The following OTOP2 variants were observed in gnomAD, a reference collection of about 807,000 sequenced individuals.
OTOP2 encodes the protein otopetrin 2.
In OTOP2, 41 loss-of-function variants were observed where a neutral mutation model predicts 47.4. The ratio of observed to expected loss-of-function variants is 0.87; its 90% CI spans 0.67 to 1.12. The LOEUF is 1.12. OTOP2 is among the 50% of genes most tolerant of loss of function. The pLI is 0.00. For synonymous variants in OTOP2, 328 were observed against 319.6 expected, an observed-to-expected ratio of 1.03 and a Z score of -0.28; for missense variants, 721 against 752.2, an observed-to-expected ratio of 0.96 and a Z score of 0.49.
At position 74,927,667 on chromosome 17, in the gene OTOP2, G is replaced by A. The variant is rs2039020925; in HGVS notation, c.512G>A (p.Cys171Tyr). 2 of 1,613,232 alleles carry A rather than the reference G, an allele frequency of 1.2e-6. No homozygotes were observed. The highest frequency in any genetic ancestry group is 1.7e-6 in the Non-Finnish European group (2 of 1,179,602). The change falls in exon 5 of 7, where the codon TGT becomes TAT. Residue 171 changes from cysteine (C) to tyrosine (Y), a missense_variant and splice_region_variant. Physicochemically the swap from Cys to Tyr is radical, Grantham distance 194 (BLOSUM62 -2). Coordinates refer to ENST00000331427, the MANE Select transcript of OTOP2 (RefSeq NM_178160.3). ...TCCCCACCCCTGACCCCAAACAGGT[G>A]TGGTCTCATGTTCACACTCACCACC... Reference protein sequence around the residue: ...CVHVHLDLTWCGLMFTLTTNL... With the variant: ...CVHVHLDLTWYGLMFTLTTNL...
intron 5 of OTOP2, among the ~76,000 whole-genome samples, chr17:74,929,542 C>T (rs2039037089): frequency 6.6e-6 from 1 of 152,202 alleles, no homozygotes; most frequent in Admixed American, 6.5e-5. Flanking sequence ...TCTCCTGCCT[C>T]AACCTCCCGT....
At position 74,927,777 on chromosome 17, in the gene OTOP2, C is replaced by G. The variant is rs781006955; in HGVS notation, c.622C>G (p.His208Asp). Reference protein sequence around the residue: ...SYSSSHSNASHARLISDQHAD... With the variant: ...SYSSSHSNASDARLISDQHAD... ...CAGCAGTTCTCACAGCAACGCCAGC[C>G]ACGCCCGTCTCATCTCTGACCGTGA... The change falls in exon 5 of 7, where the codon CAC (histidine) becomes GAC (aspartate). Residue 208 changes from histidine to aspartate, a missense_variant. Physicochemically the swap from His to Asp is moderately conservative, Grantham distance 81. Transcript: ENST00000331427. The G allele has an allele frequency of 2.5e-6, 4 of 1,614,008 alleles. No homozygotes were observed. Among genetic ancestry groups the G allele is most frequent in the Admixed American group, 3.3e-5 (2 of 59,986 alleles).
chr17:74,933,647 C>A lies in OTOP2; in HGVS notation c.*102C>A. ...ATCCCAGCTGGTGCCATATGACAGC[C>A]CATTTCCTTCTGGTCCCAGAGTGGA... On this transcript the variant is annotated 3_prime_UTR_variant, in exon 7 of 7. Transcript: ENST00000331427. This position sits in a 1 kb window ranked among gnomAD's most constrained non-coding sequence, Gnocchi z 4.7. 1.5e-6 allele frequency: 2 copies of A among 1,290,516 alleles called. No individual in the cohort carries two copies. The highest frequency in any genetic ancestry group is 2.1e-6 in the Non-Finnish European group (2 of 960,030). 79.9% of individuals were successfully genotyped at this position (1,290,516 alleles called of 1,614,324 possible). A position where few individuals can be genotyped will look rare whatever the true frequency, so the allele number is the denominator to read the frequency against.
At chr17:74,927,450 T>A in intron 4 of OTOP2, 169 bp downstream of exon 4, 7 of 1,029,788 alleles carry the variant, frequency 6.8e-6, no homozygotes, top group Non-Finnish European at 1.0e-5. Context: ...GTGGGGCCCT[T>A]TCTCCCAGGG....
In OTOP2 at chr17:74,924,813, G is replaced by GTAC. The variant is rs759488042; in HGVS notation, c.181_182insTAC (p.Asp61delinsValHis). The GTAC allele has an allele frequency of 6.2e-7, 1 of 1,611,580 alleles. No individual in the cohort carries two copies. Among genetic ancestry groups the GTAC allele is most frequent in the Admixed American group, 1.7e-5 (1 of 59,766 alleles). ...CAACAAGGTGGCCGTGTACGACACCGACGTGTTCGCGCTGCTCACTGCGAT... is the reference window on the plus strand; with the variant it reads ...CAACAAGGTGGCCGTGTACGACACCGTACACGTGTTCGCGCTGCTCACTGCGAT... On this transcript the variant is annotated protein_altering_variant, in exon 2 of 7. Coordinates refer to ENST00000331427, the MANE Select transcript of OTOP2 (RefSeq NM_178160.3). The surrounding 1 kb of genome is among the most constrained non-coding windows in gnomAD (Gnocchi z 7.7).
rs543337305 is a variant in OTOP2 at position 74,925,050 on chromosome 17, G to A, written c.313+105G>A. ...GCAGATTGACATACGAGGGCGAGAG[G>A]CTCCCTAGGGAGGACCAGGAGGACC... On this transcript the variant is annotated intron_variant, in intron 2 of 6. Coordinates refer to ENST00000331427, the MANE Select transcript of OTOP2 (RefSeq NM_178160.3). 8 of 1,347,140 alleles carry A rather than the reference G, an allele frequency of 5.9e-6. No homozygotes were observed. The Admixed American group carries it at 7.9e-5, about 13-fold the overall frequency. 83.4% of individuals were successfully genotyped at this position (1,347,140 alleles called of 1,614,324 possible).
rs146656559 is a variant in OTOP2 at position 74,930,932 on chromosome 17, G to A, written c.1297G>A (p.Glu433Lys). The change falls in exon 6 of 7, where the codon GAG becomes AAG. Residue 433 changes from glutamate (E) to lysine (K), a missense_variant. Transcript: ENST00000331427. The surrounding 1 kb of genome is among the most constrained non-coding windows in gnomAD (Gnocchi z 4.0). The part of the protein sequence containing the change: ...ESLHRGPPGA[E>K]PHSTHPKEPC... ...CCTTCACCGAGGACCGCCCGGGGCT[G>A]AGCCTCACAGTACCCACCCCAAGGA... is the stretch of plus-strand genomic sequence containing the variant. The A allele has an allele frequency of 1.2e-4, 193 of 1,613,930 alleles. No individual in the cohort carries two copies. Among genetic ancestry groups the A allele is most frequent in the Middle Eastern group, 8.2e-4 (5 of 6,084 alleles).
chr17:74,925,088 G>T, intron 2 of OTOP2, 143 bp downstream of exon 2: 1 of 1,090,950 alleles, frequency 9.2e-7, no homozygotes, highest in Non-Finnish European at 1.3e-6. Flanking sequence ...AGGGTGAAGT[G>T]GGCTGCAGTT....
Position 74,933,445 on chromosome 17 carries a change from A to G in OTOP2, c.1589A>G (p.Tyr530Cys). 1 of 1,613,818 alleles carries G rather than the reference A, an allele frequency of 6.2e-7. No homozygotes were observed. The highest frequency in any genetic ancestry group is 8.5e-7 in the Non-Finnish European group (1 of 1,179,868). ...SNTVEVDFYG[Y>C]SLWAVIVNIC... ...ACAGTGGAGGTGGATTTCTACGGCT[A>G]CTCCCTCTGGGCGGTCATCGTCAAC... The change falls in exon 7 of 7, where the codon TAC (tyrosine) becomes TGC (cysteine). Residue 530 changes from tyrosine (Y) to cysteine (C), a missense_variant. Transcript: ENST00000331427. This position sits in a 1 kb window ranked among gnomAD's most constrained non-coding sequence, Gnocchi z 4.7.
intron 3 of OTOP2, 53 bp downstream of exon 3, chr17:74,925,745 G>C: frequency 6.2e-7 from 1 of 1,608,314 alleles, no homozygotes; most frequent in Non-Finnish European, 8.5e-7. Context: ...CTTGGCCATT[G>C]GGAAGGACCC....
intron 3 of OTOP2, among the ~76,000 whole-genome samples, chr17:74,926,776 T>C (rs1020854206): frequency 3.3e-5 from 5 of 151,804 alleles, no homozygotes; most frequent in Non-Finnish European, 7.4e-5. Flanking sequence ...TTTTTTTTTT[T>C]CGAGATGGAG....
Position 74,933,407 on chromosome 17 carries a change from T to G in OTOP2, c.1551T>G (p.Pro517=). The G allele has an allele frequency of 6.2e-7, 1 of 1,613,060 alleles. No homozygotes were observed. Residue 517 remains proline, a synonymous_variant, in exon 7 of 7, where the codon CCT becomes CCG. Coordinates refer to ENST00000331427, the MANE Select transcript of OTOP2 (RefSeq NM_178160.3). The surrounding 1 kb of genome is among the most constrained non-coding windows in gnomAD (Gnocchi z 4.7). Reference sequence around the variant, plus strand: ...TCATGCCTGCCTTCGGGGCCCGCCCTCATTTCAGCAACACAGTGGAGGTGG... The same window carrying G: ...TCATGCCTGCCTTCGGGGCCCGCCCGCATTTCAGCAACACAGTGGAGGTGG... ...LWIMPAFGAR[P]HFSNTVEVDF...
At position 74,933,259 on chromosome 17, in the gene OTOP2, T is replaced by C. The variant is rs2039075082; in HGVS notation, c.1519-116T>C. On this transcript the variant is annotated intron_variant, in intron 6 of 6. Transcript: ENST00000331427. This position sits in a 1 kb window ranked among gnomAD's most constrained non-coding sequence, Gnocchi z 4.7. ...CCATTCACTGACACCCAGCCCTCCG[T>C]GTCCACCAAGCTAGAAGGATGGGCC... is the stretch of plus-strand genomic sequence containing the variant. 5 of 1,277,046 alleles carry C rather than the reference T, an allele frequency of 3.9e-6. No homozygotes were observed. Among genetic ancestry groups the C allele is most frequent in the Non-Finnish European group, 5.4e-6 (5 of 919,502 alleles). The allele number at this position is 1,277,046 out of a possible 1,614,324, so 79.1% of individuals were successfully genotyped here.
intron 5 of OTOP2, among the ~76,000 whole-genome samples, chr17:74,928,542 A>C (rs2039029897): frequency 1.3e-5 from 2 of 152,132 alleles, no homozygotes. Context: ...TGAGGTCTGT[A>C]TGTCAGGCAC....
intron 6 of OTOP2, 124 bp downstream of exon 6, chr17:74,931,277 C>T (rs746399873): frequency 2.6e-5 from 35 of 1,329,234 alleles, no homozygotes; most frequent in Non-Finnish European, 3.5e-5. Flanking sequence ...TTACAGCTCT[C>T]TAGGAAAGGA....
Position 74,924,295 on chromosome 17 carries a change from C to T in OTOP2, c.-72C>T. ...GGGAGAGAGGAGACGCTCGCCGTCC[C>T]CTGACCCCCAGCTCAGCGCCGGCTC... On this transcript the variant is annotated 5_prime_UTR_variant, in exon 1 of 7. Coordinates refer to ENST00000331427, the MANE Select transcript of OTOP2 (RefSeq NM_178160.3). This position sits in a 1 kb window ranked among gnomAD's most constrained non-coding sequence, Gnocchi z 7.7. 1 of 336,096 alleles carries T rather than the reference C, an allele frequency of 3.0e-6. No homozygotes were observed. Among genetic ancestry groups the T allele is most frequent in the South Asian group, 7.2e-5 (1 of 13,954 alleles). 20.8% of individuals were successfully genotyped at this position (336,096 alleles called of 1,614,324 possible).
chr17:74,925,272 GGTATCCACACA>G (rs879745117), intron 2 of OTOP2, among the ~76,000 whole-genome samples: 3 of 152,124 alleles, frequency 2.0e-5, no homozygotes, highest in Non-Finnish European at 4.4e-5. Context: ...GGCCCTTTGC[GGTATCCACACA>G]GCCCCAAAGA....
Position 74,933,275 on chromosome 17 carries a change from A to G in OTOP2, c.1519-100A>G. 7.1e-7 allele frequency: 1 copy of G among 1,406,116 alleles called. No homozygotes were observed. The highest frequency in any genetic ancestry group is 2.3e-5 in the East Asian group (1 of 43,344). The allele number at this position is 1,406,116 out of a possible 1,614,324, so 87.1% of individuals were successfully genotyped here. Reference sequence around the variant, plus strand: ...AGCCCTCCGTGTCCACCAAGCTAGAAGGATGGGCCGCCATCTAGCCACGGC... The same window carrying G: ...AGCCCTCCGTGTCCACCAAGCTAGAGGGATGGGCCGCCATCTAGCCACGGC... On this transcript the variant is annotated intron_variant, in intron 6 of 6. Transcript: ENST00000331427. The surrounding 1 kb of genome is among the most constrained non-coding windows in gnomAD (Gnocchi z 4.7).
At chr17:74,929,219 G>C (rs1567944828) in intron 5 of OTOP2, among the ~76,000 whole-genome samples, 1 of 152,026 alleles carries the variant, frequency 6.6e-6, no homozygotes. Context: ...CAGAAGTAAC[G>C]GGAGGTCATG....
Sources: gnomAD v4.1 joint callset for allele counts (sites outside exome capture counted in the v4.1 genomes callset) on GRCh38, gnomAD v4.1.1 for gene constraint, Gnocchi (gnomAD v3.1) non-coding constraint, MANE v1.5 for transcripts, NCBI Gene and HGNC (gene_info 2026-07-23, HGNC 2026-07-21) for gene names.